SPIRE2: variants seen among roughly 807,000 people sequenced by gnomAD.
SPIRE2 encodes protein spire homolog 2.
A neutral mutation model predicts 80.7 loss-of-function variants in SPIRE2; 76 were observed. That is an observed-to-expected ratio of 0.94 (90% confidence interval 0.78 to 1.14). The LOEUF (loss-of-function observed/expected upper bound fraction) is 1.14, where lower values mean the gene tolerates loss of function less well. Among genes scored for constraint, SPIRE2 ranks in the 50% most tolerant of loss-of-function variants. The pLI, the probability that SPIRE2 is intolerant of heterozygous loss-of-function variation, is 0.00. For synonymous variants in SPIRE2, 535 were observed against 432.6 expected (o/e 1.24, Z -2.94); for missense variants, 1,196 against 1,015.3 (o/e 1.18, Z -2.42).
intron 1 of SPIRE2, among the ~76,000 whole-genome samples, chr16:89,831,918 C>T (rs539359912): frequency 6.6e-6 from 1 of 152,244 alleles, no homozygotes; most frequent in South Asian, 2.1e-4. Flanking sequence ...ACCTGTTCAT[C>T]TCGCGGCCTG....
intron 1 of SPIRE2, among the ~76,000 whole-genome samples, chr16:89,835,143 C>T (rs1322928552): frequency 6.6e-6 from 1 of 151,036 alleles, no homozygotes; most frequent in African/African-American, 2.5e-5. Flanking sequence ...AACCTGCCCG[C>T]ACTCACGGTT....
At chr16:89,849,130 G>A (rs1026129857) in intron 2 of SPIRE2, among the ~76,000 whole-genome samples, 1 of 152,248 alleles carries the variant, frequency 6.6e-6, no homozygotes, top group Non-Finnish European at 1.5e-5. Context: ...GTGGGTGGTG[G>A]GGAAGGAACA....
rs1469401640 is a variant in SPIRE2, at chr16:89,870,640, G to C, written c.*368G>C. On this transcript the variant is annotated 3_prime_UTR_variant, in exon 15 of 15. Coordinates refer to ENST00000378247, the MANE Select transcript of SPIRE2 (RefSeq NM_032451.2). ...TGCGAACGGCAGTTTCCCTTCCCCA[G>C]TGGACGTCTAGGTGGGGACAGGGTA... The C allele has an allele frequency of 5.2e-6, 1 of 192,296 alleles. No homozygotes were observed. The highest frequency in any genetic ancestry group is 1.1e-5 in the Non-Finnish European group (1 of 90,614). 11.9% of individuals were successfully genotyped at this position (192,296 alleles called of 1,614,324 possible).
At chr16:89,840,926 C>T (rs1028606691) in intron 1 of SPIRE2, among the ~76,000 whole-genome samples, 6 of 152,022 alleles carry the variant, frequency 3.9e-5, no homozygotes, top group Admixed American at 1.3e-4. Context: ...CGTGAGCCAC[C>T]GCGCCCAGCT....
chr16:89,858,049 ATT>A (rs1313725666), intron 7 of SPIRE2, among the ~76,000 whole-genome samples: 1 of 150,298 alleles, frequency 6.7e-6, no homozygotes, highest in Non-Finnish European at 1.5e-5. Flanking sequence ...CGCCTGGCTA[ATT>A]TTTTTTGTAT....
At chr16:89,864,912 G>C (rs2041775902) in intron 12 of SPIRE2, among the ~76,000 whole-genome samples, 1 of 152,034 alleles carries the variant, frequency 6.6e-6, no homozygotes, top group African/African-American at 2.4e-5. Flanking sequence ...ACAATGTATT[G>C]TGGGTTTTGT....
At position 89,845,274 on chromosome 16, in the gene SPIRE2, G is replaced by A. The variant is rs1420631311; in HGVS notation, c.245-48G>A. ...GGTGGGGGGACAGCAGTGTTTATTGGGGTCCCGGGGATGCTGACAAATAAC... is the reference window on the plus strand; with the variant it reads ...GGTGGGGGGACAGCAGTGTTTATTGAGGTCCCGGGGATGCTGACAAATAAC... On this transcript the variant is annotated intron_variant, in intron 1 of 14. Transcript: ENST00000378247. 2.5e-6 allele frequency: 4 copies of A among 1,580,712 alleles called. No individual in the cohort carries two copies. The African/African-American group carries it at 4.0e-5, about 16-fold the overall frequency.
At position 89,870,043 on chromosome 16, in the gene SPIRE2, T is replaced by C; in HGVS notation, c.1923-7T>C. The stretch of plus-strand genomic sequence containing the variant: ...CCTCTCCCTGAGTGCCCTCTCCCAC[T>C]TCCCAGGTCTCTGCAAGGGCCACAG... On this transcript the variant is annotated splice_polypyrimidine_tract_variant and splice_region_variant and intron_variant, in intron 14 of 14. Coordinates refer to ENST00000378247, the MANE Select transcript of SPIRE2 (RefSeq NM_032451.2). 6.2e-7 allele frequency: 1 copy of C among 1,610,402 alleles called. No homozygotes were observed. The highest frequency in any genetic ancestry group is 1.9e-4 in the Middle Eastern group (1 of 5,242).
intron 5 of SPIRE2, 130 bp from the exon 6 acceptor site, chr16:89,855,470 T>C: frequency 1.3e-6 from 1 of 741,218 alleles, no homozygotes; most frequent in Non-Finnish European, 2.3e-6. Context: ...GCTGGGTCCC[T>C]GCGAGCAAAG....
At chr16:89,833,573 G>A (rs1040580993) in intron 1 of SPIRE2, among the ~76,000 whole-genome samples, 16 of 152,258 alleles carry the variant, frequency 1.1e-4, no homozygotes, top group African/African-American at 3.4e-4. Context: ...CAGGCCTACG[G>A]CCTGCTGGGC....
At chr16:89,842,056 TA>T (rs776342400) in intron 1 of SPIRE2, among the ~76,000 whole-genome samples, 12 of 151,838 alleles carry the variant, frequency 7.9e-5, no homozygotes, top group Admixed American at 2.0e-4. Context: ...TCTAGTTTTA[TA>T]ACATCTGAGT....
At chr16:89,845,756 G>C (rs915768525) in intron 2 of SPIRE2, 11 of 609,022 alleles carry the variant, frequency 1.8e-5, no homozygotes, top group Non-Finnish European at 3.2e-5. Context: ...AACCCCACCC[G>C]ACCAAAACTG....
In SPIRE2 at chr16:89,828,686, C is replaced by T; in HGVS notation, c.136C>T (p.Gln46Ter). ...GGAGCAGGCGTGGGCCGTGTGCTTCCAGGGCTGCCGCGGGCTGCGGGGCTC... is the reference window on the plus strand; with the variant it reads ...GGAGCAGGCGTGGGCCGTGTGCTTCTAGGGCTGCCGCGGGCTGCGGGGCTC... The part of the protein sequence containing the change: ...NEEQAWAVCF[Q>*]GCRGLRGSPG... The change falls in exon 1 of 15, where the codon CAG (glutamine) becomes TAG (stop). Residue 46 changes from glutamine to a stop codon, truncating the protein, a stop_gained. Transcript: ENST00000378247. LOFTEE classifies it high-confidence loss of function. The surrounding 1 kb of genome is among the most constrained non-coding windows in gnomAD (Gnocchi z 5.9). 1.5e-6 allele frequency: 2 copies of T among 1,316,638 alleles called. No homozygotes were observed. The highest frequency in any genetic ancestry group is 2.8e-5 in the Admixed American group (1 of 35,440). The allele number at this position is 1,316,638 out of a possible 1,614,324, so 81.6% of individuals were successfully genotyped here.
intron 12 of SPIRE2, among the ~76,000 whole-genome samples, chr16:89,866,355 T>C (rs1216090833): frequency 6.6e-6 from 1 of 152,084 alleles, no homozygotes; most frequent in Non-Finnish European, 1.5e-5. Context: ...GGAAGTGCAA[T>C]GCCGCGATCT....
chr16:89,854,253 C>G (rs1261155004), intron 3 of SPIRE2, 33 bp from the exon 4 acceptor site: 2 of 1,601,626 alleles, frequency 1.2e-6, no homozygotes, highest in East Asian at 2.3e-5. Context: ...ATTCTCGTAC[C>G]TCCCCTGGAC....
Position 89,830,238 on chromosome 16 carries a change from C to G in SPIRE2, c.244+1444C>G, listed in dbSNP as rs931447646. On this transcript the variant is annotated intron_variant, in intron 1 of 14. Transcript: ENST00000378247. ...CATCCCTGGGTGGTGTGGCCCCTTCCTGGTCCTCACAGCCCCGGCAGCAGT... is the reference window on the plus strand; with the variant it reads ...CATCCCTGGGTGGTGTGGCCCCTTCGTGGTCCTCACAGCCCCGGCAGCAGT... Among the ~76,000 whole-genome samples, 12 of 151,352 alleles carry G rather than the reference C, an allele frequency of 7.9e-5. No individual in the cohort carries two copies. The East Asian group carries it at 2.3e-3, about 29-fold the overall frequency.
At chr16:89,861,746 G>A (rs964260955) in intron 10 of SPIRE2, among the ~76,000 whole-genome samples, 9 of 152,210 alleles carry the variant, frequency 5.9e-5, no homozygotes, top group African/African-American at 1.9e-4. Flanking sequence ...TGGAGGAGCC[G>A]TCTGAAGTGG....
chr16:89,847,538 T>C (rs930618381), intron 2 of SPIRE2, among the ~76,000 whole-genome samples: 2 of 152,236 alleles, frequency 1.3e-5, no homozygotes, highest in Non-Finnish European at 2.9e-5. Flanking sequence ...GGACGCAGCC[T>C]GGACTGTTTG....
In SPIRE2 at chr16:89,860,708, C is replaced by T; in HGVS notation, c.1488C>T (p.Asp496=). 1.3e-6 allele frequency: 2 copies of T among 1,591,874 alleles called. No individual in the cohort carries two copies. The highest frequency in any genetic ancestry group is 1.7e-6 in the Non-Finnish European group (2 of 1,169,696). ...DQGTCPASVS[D]PSHPLLSNRG... Reference sequence around the variant, plus strand: ...GTACCTGTCCCGCGAGTGTCTCTGACCCCAGCCACCCCCTACTCAGCAACC... The same window carrying T: ...GTACCTGTCCCGCGAGTGTCTCTGATCCCAGCCACCCCCTACTCAGCAACC... Residue 496 remains aspartate (D), a synonymous_variant, in exon 10 of 15, where the codon GAC becomes GAT. Transcript: ENST00000378247.
Sources: gnomAD v4.1 joint callset for allele counts (sites outside exome capture counted in the v4.1 genomes callset) on GRCh38, gnomAD v4.1.1 for gene constraint, Gnocchi (gnomAD v3.1) non-coding constraint, MANE v1.5 for transcripts, NCBI Gene and HGNC (gene_info 2026-07-23, HGNC 2026-07-21) for gene names.